ENTPD5: variants seen among roughly 807,000 people sequenced by gnomAD.
ENTPD5 encodes the protein ectonucleoside triphosphate diphosphohydrolase 5 (inactive).
A neutral mutation model predicts 60.2 loss-of-function variants in ENTPD5; 49 were observed. The observed-to-expected ratio is 0.81, with a 90% confidence interval of 0.65 to 1.03. ENTPD5 has a LOEUF of 1.03. Ranked by LOEUF, ENTPD5 falls within the 50% of genes least tolerant of loss-of-function variation. The pLI is 0.00. For synonymous variants in ENTPD5, 187 were observed against 185.4 expected (o/e 1.01, Z -0.07); for missense variants, 480 against 507.6 (o/e 0.95, Z 0.52).
At chr14:73,984,869 G>C (rs1308409643) in intron 5 of ENTPD5, among the ~76,000 whole-genome samples, 1 of 151,904 alleles carries the variant, frequency 6.6e-6, no homozygotes, top group African/African-American at 2.4e-5. Context: ...ATTTACATTA[G>C]GTATATCTCC....
chr14:74,012,023 C>T (rs1362781524), intron 2 of ENTPD5, among the ~76,000 whole-genome samples: 1 of 152,178 alleles, frequency 6.6e-6, no homozygotes, highest in Non-Finnish European at 1.5e-5. Flanking sequence ...ACATTCAAGA[C>T]AGGATTTGAA....
At chr14:73,988,533 AATC>A (rs1306934919) in intron 3 of ENTPD5, among the ~76,000 whole-genome samples, 1 of 152,218 alleles carries the variant, frequency 6.6e-6, no homozygotes, top group Admixed American at 6.5e-5. Flanking sequence ...AAACATTTCA[AATC>A]TTCTAGCTAC....
At chr14:73,960,126 T>G, downstream of ENTPD5, 1 of 993,116 alleles carries the variant, frequency 1.0e-6, no homozygotes, top group Non-Finnish European at 1.2e-6. Flanking sequence ...TCTGCTAGGT[T>G]GCAGCTACCT....
At chr14:73,971,116 G>GA (rs565596617) in intron 14 of ENTPD5, among the ~76,000 whole-genome samples, 1 of 148,654 alleles carries the variant, frequency 6.7e-6, no homozygotes, top group African/African-American at 2.5e-5. Context: ...AATGTAGAAG[G>GA]AAAAAAAAGG....
chr14:73,961,192 C>T (rs138207028), downstream of ENTPD5: 36 of 1,613,776 alleles, frequency 2.2e-5, no homozygotes, highest in East Asian at 1.8e-4. Context: ...GCTGACCACA[C>T]GGACTTCATC....
downstream of ENTPD5, chr14:73,960,713 A>G (rs2056678099): frequency 1.7e-6 from 1 of 578,378 alleles, no homozygotes; most frequent in African/African-American, 2.0e-5. Flanking sequence ...GTACAGTGAT[A>G]GAAGTATGCA....
At chr14:73,990,368 T>G (rs1391237275) in intron 3 of ENTPD5, among the ~76,000 whole-genome samples, 1 of 138,664 alleles carries the variant, frequency 7.2e-6, no homozygotes, top group African/African-American at 2.5e-5. Context: ...AGGGTCTCAC[T>G]CTGTCACCCC....
In ENTPD5 at chr14:74,008,137, GAA is replaced by G. The variant is rs879352922; in HGVS notation, c.-71+2952_-71+2953del. Among the ~76,000 whole-genome samples, 5 of 150,814 alleles carry G rather than the reference GAA, an allele frequency of 3.3e-5. No individual in the cohort carries two copies. In the East Asian group the frequency reaches 9.8e-4, roughly 29 times the overall value. On this transcript the variant is annotated intron_variant, in intron 3 of 15. Coordinates refer to ENST00000334696, the MANE Select transcript of ENTPD5 (RefSeq NM_001249.5). Reference sequence around the variant, plus strand: ...GCATAAGCCACCACCCCCAGACAAAGAAAAAAAAAATTTTTTAACTCAGCTTT... The same window carrying G: ...GCATAAGCCACCACCCCCAGACAAAGAAAAAAAATTTTTTAACTCAGCTTT...
intron 9 of ENTPD5, 126 bp downstream of exon 9, chr14:73,976,198 T>G: frequency 1.1e-6 from 1 of 870,950 alleles, no homozygotes; most frequent in Non-Finnish European, 1.9e-6. Flanking sequence ...ATTCACCTAG[T>G]TATTAATTGA....
At chr14:73,990,184 CT>C (rs1227555523) in intron 3 of ENTPD5, among the ~76,000 whole-genome samples, 1 of 151,988 alleles carries the variant, frequency 6.6e-6, no homozygotes, top group Non-Finnish European at 1.5e-5. Flanking sequence ...GACCCTGTCT[CT>C]AAAAATAAAA....
intron 2 of ENTPD5, among the ~76,000 whole-genome samples, chr14:74,014,025 G>A (rs1292608616): frequency 6.6e-6 from 1 of 152,138 alleles, no homozygotes; most frequent in Non-Finnish European, 1.5e-5. Context: ...TAGGATTATA[G>A]ATGTGAGTCA....
In ENTPD5 at chr14:73,994,536, C is replaced by T. The variant is rs553885068; in HGVS notation, c.-70-6364G>A. On this transcript the variant is annotated intron_variant, in intron 3 of 15. Coordinates refer to ENST00000334696, the MANE Select transcript of ENTPD5 (RefSeq NM_001249.5). Reference sequence around the variant, plus strand: ...GATCATGAGGTCAGGAGTTCGAAACCAGACTGGTCAACATGGTGACACCCC... The same window carrying T: ...GATCATGAGGTCAGGAGTTCGAAACTAGACTGGTCAACATGGTGACACCCC... Among the ~76,000 whole-genome samples the T allele has an allele frequency of 4.0e-5, 6 of 151,728 alleles. No individual in the cohort carries two copies. The East Asian group carries it at 1.2e-3, about 30-fold the overall frequency.
intron 3 of ENTPD5, among the ~76,000 whole-genome samples, chr14:74,001,318 C>T (rs574627256): frequency 5.3e-5 from 8 of 152,000 alleles, no homozygotes; most frequent in Non-Finnish European, 1.0e-4. Flanking sequence ...CTGGTTAACA[C>T]GGTGAAATCC....
downstream of ENTPD5, among the ~76,000 whole-genome samples, chr14:73,957,137 G>A (rs572114542): frequency 1.1e-4 from 16 of 149,994 alleles, 1 homozygote; most frequent in Non-Finnish European, 1.2e-4. Flanking sequence ...TCGCTCTGTC[G>A]CCCAGGCTGG....
chr14:73,976,608 T>C (rs1261512144), intron 8 of ENTPD5, among the ~76,000 whole-genome samples, 196 bp from the exon 9 acceptor site: 4 of 152,042 alleles, frequency 2.6e-5, no homozygotes, highest in East Asian at 1.9e-4. Flanking sequence ...TTTTTTTTTT[T>C]TGGAAGGCCT....
In ENTPD5 at chr14:73,977,007, A is replaced by T; in HGVS notation, c.553+17T>A. On this transcript the variant is annotated intron_variant, in intron 8 of 15. Coordinates refer to ENST00000334696, the MANE Select transcript of ENTPD5 (RefSeq NM_001249.5). Reference sequence around the variant, plus strand: ...AAAGCTAGTTAAGCTCTAAAGATAAACTTGAGGATGTATTACCTGTCAGAA... The same window carrying T: ...AAAGCTAGTTAAGCTCTAAAGATAATCTTGAGGATGTATTACCTGTCAGAA... The T allele has an allele frequency of 6.2e-7, 1 of 1,603,368 alleles. No homozygotes were observed. Among genetic ancestry groups the T allele is most frequent in the Non-Finnish European group, 8.5e-7 (1 of 1,171,056 alleles).
intron 3 of ENTPD5, among the ~76,000 whole-genome samples, chr14:73,993,610 T>C (rs548750137): frequency 6.6e-6 from 1 of 152,188 alleles, no homozygotes; most frequent in African/African-American, 2.4e-5. Context: ...GCTAGACATG[T>C]AGATCAAACT....
In ENTPD5 at chr14:73,963,410, T is replaced by C; in HGVS notation, c.*3518A>G. 1 of 274,994 alleles carries C rather than the reference T, an allele frequency of 3.6e-6. No homozygotes were observed. Among genetic ancestry groups the C allele is most frequent in the Non-Finnish European group, 6.8e-6 (1 of 147,420 alleles). 17.0% of individuals were successfully genotyped at this position (274,994 alleles called of 1,614,324 possible). A position where few individuals can be genotyped will look rare whatever the true frequency, so the allele number is the denominator to read the frequency against. On this transcript the variant is annotated 3_prime_UTR_variant, in exon 16 of 16. Transcript: ENST00000334696. ...AGACTCGATGCATTTTTGTTAGAATTGCTGTTTAAATGTTAACATCAGAAT... is the reference window on the plus strand; with the variant it reads ...AGACTCGATGCATTTTTGTTAGAATCGCTGTTTAAATGTTAACATCAGAAT...
chr14:73,957,471 G>A (rs2056493136), downstream of ENTPD5, among the ~76,000 whole-genome samples: 3 of 152,150 alleles, frequency 2.0e-5, no homozygotes, highest in Non-Finnish European at 4.4e-5. Flanking sequence ...TGTTTTTGGA[G>A]ATAGTGTTTT....
Sources: allele counts gnomAD v4.1 joint callset (sites outside exome capture counted in the v4.1 genomes callset), GRCh38; gene constraint gnomAD v4.1.1; transcripts MANE v1.5; gene names NCBI Gene and HGNC (gene_info 2026-07-23, HGNC 2026-07-21).